The following FBXO47 variants were observed in gnomAD, a reference collection of about 807,000 sequenced individuals.
FBXO47 encodes F-box only protein 47.
A neutral mutation model predicts 53.9 loss-of-function variants in FBXO47; 34 were observed. The ratio of observed to expected loss-of-function variants is 0.63; its 90% CI spans 0.48 to 0.84. The LOEUF (loss-of-function observed/expected upper bound fraction) is 0.84, where lower values mean the gene tolerates loss of function less well. Ranked by LOEUF, FBXO47 falls within the 40% of genes least tolerant of loss-of-function variation. The pLI is 0.00. For missense variants in FBXO47, 485 were observed against 541.3 expected (o/e 0.90, Z 1.03); for synonymous variants, 165 against 181.6 (o/e 0.91, Z 0.73).
chr17:38,939,957 G>A (rs1216037252), intron 9 of FBXO47, among the ~76,000 whole-genome samples: 1 of 151,860 alleles, frequency 6.6e-6, no homozygotes, highest in Middle Eastern at 3.2e-3. Flanking sequence ...GTGAGCCACC[G>A]CGCCCGGCCA....
intron 5 of FBXO47, among the ~76,000 whole-genome samples, chr17:38,951,982 A>G (rs554289403): frequency 1.3e-5 from 2 of 152,204 alleles, no homozygotes; most frequent in South Asian, 4.2e-4. Flanking sequence ...AGATGAGATC[A>G]TGCCATTGCA....
chr17:38,938,997 C>G (rs1041450983), intron 9 of FBXO47, among the ~76,000 whole-genome samples: 1 of 151,746 alleles, frequency 6.6e-6, no homozygotes, highest in African/African-American at 2.4e-5. Flanking sequence ...AATGAAATAA[C>G]TAATATTGAA....
At chr17:38,961,629 A>G (rs73301151) in intron 3 of FBXO47, among the ~76,000 whole-genome samples, 5,486 of 152,316 alleles carry the variant, frequency 0.036, 288 homozygotes, top group African/African-American at 0.11. Flanking sequence ...GCCACTAGAC[A>G]TTAAGCATCG....
chr17:38,937,134 TCGTTCAGTGA>T lies in FBXO47; in HGVS notation c.*31_*40del, dbSNP rs1398242535. On this transcript the variant is annotated 3_prime_UTR_variant, in exon 11 of 11. Transcript: ENST00000378079. Reference sequence around the variant, plus strand: ...GAAAAAGTAGCACTCCTCTAATCATTCGTTCAGTGACGTTCTCTAAAGGCAAGGCTTTCTG... The same window carrying T: ...GAAAAAGTAGCACTCCTCTAATCATTCGTTCTCTAAAGGCAAGGCTTTCTG... The T allele has an allele frequency of 1.2e-6, 1 of 836,648 alleles. No individual in the cohort carries two copies. Among genetic ancestry groups the T allele is most frequent in the Non-Finnish European group, 1.9e-6 (1 of 520,710 alleles). The allele number at this position is 836,648 out of a possible 1,614,324, so 51.8% of individuals were successfully genotyped here.
chr17:38,943,573 G>C lies in FBXO47; in HGVS notation c.940+17C>G. On this transcript the variant is annotated intron_variant, in intron 8 of 10. Coordinates refer to ENST00000378079, the MANE Select transcript of FBXO47 (RefSeq NM_001008777.3). ...AATAAATTTCTATTATTCTATGTTA[G>C]TAAATATATTTTTTACCTGATAGTT... 1 of 1,477,418 alleles carries C rather than the reference G, an allele frequency of 6.8e-7. No individual in the cohort carries two copies. The highest frequency in any genetic ancestry group is 9.2e-7 in the Non-Finnish European group (1 of 1,091,790). The allele number at this position is 1,477,418 out of a possible 1,614,324, so 91.5% of individuals were successfully genotyped here.
At chr17:38,956,584 GTCTC>G (rs1346036285) in intron 4 of FBXO47, among the ~76,000 whole-genome samples, 2 of 141,756 alleles carry the variant, frequency 1.4e-5, no homozygotes, top group East Asian at 2.0e-4. Context: ...GCGAGACTCT[GTCTC>G]AACAAAAAAA....
intron 1 of FBXO47, among the ~76,000 whole-genome samples, 193 bp downstream of exon 1, chr17:38,967,036 C>T (rs1430873552): frequency 6.6e-6 from 1 of 151,676 alleles, no homozygotes; most frequent in Non-Finnish European, 1.5e-5. Context: ...TAACATAAAA[C>T]TCTTGTAAGG....
At chr17:38,946,989 T>A (rs1435260273) in intron 6 of FBXO47, among the ~76,000 whole-genome samples, 6 of 127,600 alleles carry the variant, frequency 4.7e-5, no homozygotes, top group South Asian at 4.7e-4. Context: ...TAAATATATA[T>A]AAACATATAC....
Position 38,936,942 on chromosome 17 carries a change from C to T in FBXO47, c.*233G>A, listed in dbSNP as rs551863145. 1.5e-5 allele frequency: 5 copies of T among 343,448 alleles called. No homozygotes were observed. The highest frequency in any genetic ancestry group is 4.7e-5 in the East Asian group (1 of 21,220). The allele number at this position is 343,448 out of a possible 1,614,324, so 21.3% of individuals were successfully genotyped here. A position where few individuals can be genotyped will look rare whatever the true frequency, so the allele number is the denominator to read the frequency against. On this transcript the variant is annotated 3_prime_UTR_variant, in exon 11 of 11. Transcript: ENST00000378079. ...GTTTGGTGTTAGGTTGACTAAAACC[C>T]GGAGAGGCAGAGCTTGTTTTCCAGA...
intron 6 of FBXO47, among the ~76,000 whole-genome samples, chr17:38,947,125 TATATAA>T (rs1904987794): frequency 7.1e-6 from 1 of 140,568 alleles, no homozygotes; most frequent in Non-Finnish European, 1.5e-5. Context: ...TATAAACATA[TATATAA>T]ATATATATAT....
chr17:38,956,803 TC>T lies in FBXO47; in HGVS notation c.429+373del, dbSNP rs545383834. On this transcript the variant is annotated intron_variant, in intron 4 of 10. Coordinates refer to ENST00000378079, the MANE Select transcript of FBXO47 (RefSeq NM_001008777.3). ...ATATATTAAAATACTTTCCCATGTT[TC>T]TATACATTTAAACAATAAAATTTCA... 3.8e-3 allele frequency among the ~76,000 whole-genome samples: 575 copies of T among 152,272 alleles called. 2 individuals are homozygous for T. Among genetic ancestry groups the T allele is most frequent in the Non-Finnish European group, 6.2e-3 (419 of 68,014 alleles).
intron 3 of FBXO47, among the ~76,000 whole-genome samples, chr17:38,960,506 A>G (rs1905768901): frequency 6.6e-6 from 1 of 152,252 alleles, no homozygotes; most frequent in East Asian, 1.9e-4. Flanking sequence ...TTGTTAGTTT[A>G]AGCAATTGAG....
At position 38,963,185 on chromosome 17, in the gene FBXO47, G is replaced by GT; in HGVS notation, c.-26-135_-26-134insA. The GT allele has an allele frequency of 2.5e-5, 14 of 570,406 alleles. No individual in the cohort carries two copies. The African/African-American group carries it at 2.5e-4, about 10-fold the overall frequency. 35.3% of individuals were successfully genotyped at this position (570,406 alleles called of 1,614,324 possible). A position where few individuals can be genotyped will look rare whatever the true frequency, so the allele number is the denominator to read the frequency against. On this transcript the variant is annotated intron_variant, in intron 1 of 10. Coordinates refer to ENST00000378079, the MANE Select transcript of FBXO47 (RefSeq NM_001008777.3). ...TTCTCTGTATTTGCAAAAGATTTTT[G>GT]GTTTTTTTTTGAGACGGAGTCTTGC... is the stretch of plus-strand genomic sequence containing the variant.
Position 38,962,882 on chromosome 17 carries a change from TG to T in FBXO47, c.143del (p.Pro48HisfsTer7). On this transcript the variant is annotated frameshift_variant, in exon 2 of 11. Coordinates refer to ENST00000378079, the MANE Select transcript of FBXO47 (RefSeq NM_001008777.3). LOFTEE classifies it high-confidence loss of function. ...ISTFGNFKAL[P>X]LEIFQIILKY... ...TTAAAATTATCTGGAATATTTCCAA[TG>T]GTAAGGCTTTAAAATTTCCAAATGT... 6.2e-7 allele frequency: 1 copy of T among 1,612,310 alleles called. No homozygotes were observed. The highest frequency in any genetic ancestry group is 8.5e-7 in the Non-Finnish European group (1 of 1,179,140).
At chr17:38,946,057 A>T (rs1220047255) in intron 6 of FBXO47, among the ~76,000 whole-genome samples, 3 of 132,398 alleles carry the variant, frequency 2.3e-5, no homozygotes, top group Non-Finnish European at 4.6e-5. Flanking sequence ...AAAATATATA[A>T]ATACATAAAT....
At chr17:38,938,487 A>G in intron 10 of FBXO47, 86 bp downstream of exon 10, 2 of 874,382 alleles carry the variant, frequency 2.3e-6, no homozygotes, top group Non-Finnish European at 3.3e-6. Flanking sequence ...CCATTCTTGG[A>G]CTGTTAGAGA....
rs1252712827 is a variant in FBXO47 at position 38,957,207 on chromosome 17, C to G, written c.399G>C (p.Arg133Ser). Residue 133 changes from arginine (R) to serine (S), a missense_variant, in exon 4 of 11, where the codon AGG becomes AGC. Physicochemically the swap from Arg to Ser is moderately radical, Grantham distance 110 (BLOSUM62 -1). Transcript: ENST00000378079. ...TGAGTATCTTGTGAATGTATTTTAG[C>G]CTTTCCTTGGTGGGTAGCAGCAATG... ...RCTLLLPTKERLKYIHKILTE... is the reference protein window; with the variant it reads ...RCTLLLPTKESLKYIHKILTE... 6.2e-7 allele frequency: 1 copy of G among 1,611,036 alleles called. No homozygotes were observed. Among genetic ancestry groups the G allele is most frequent in the Admixed American group, 1.7e-5 (1 of 59,952 alleles).
At chr17:38,953,829 T>G (rs73301133) in intron 5 of FBXO47, among the ~76,000 whole-genome samples, 5,714 of 151,920 alleles carry the variant, frequency 0.038, 311 homozygotes, top group African/African-American at 0.12. Flanking sequence ...AAGAAAGAAA[T>G]AAGTAAAAAA....
At chr17:38,952,150 C>T (rs1905325207) in intron 5 of FBXO47, among the ~76,000 whole-genome samples, 1 of 152,076 alleles carries the variant, frequency 6.6e-6, no homozygotes, top group Non-Finnish European at 1.5e-5. Flanking sequence ...CACGGTGAAA[C>T]CCCATCCCTA....
Sources: gnomAD v4.1 joint callset for allele counts (sites outside exome capture counted in the v4.1 genomes callset) on GRCh38, gnomAD v4.1.1 for gene constraint, MANE v1.5 for transcripts, NCBI Gene and HGNC (gene_info 2026-07-23, HGNC 2026-07-21) for gene names.